ASIC2: variants seen among roughly 807,000 people sequenced by gnomAD.
The protein encoded by ASIC2 is acid-sensing ion channel 2.
A neutral mutation model predicts 57.3 loss-of-function variants in ASIC2; 25 were observed. That is an observed-to-expected ratio of 0.44 (90% CI 0.32 to 0.61). The LOEUF (loss-of-function observed/expected upper bound fraction) is 0.61. Among genes scored for constraint, ASIC2 ranks in the 20% least tolerant of loss-of-function variants. The probability of loss-of-function intolerance (pLI) is 0.06; values close to 1 mark genes in which losing one functional copy is unlikely to be tolerated. For missense variants in ASIC2, 641 were observed against 738.1 expected (o/e 0.87, Z 1.52); for synonymous variants, 319 against 307.5 (o/e 1.04, Z -0.39).
intron 1 of ASIC2, among the ~76,000 whole-genome samples, chr17:33,967,473 A>C (rs963349459): frequency 6.6e-6 from 1 of 152,076 alleles, no homozygotes; most frequent in African/African-American, 2.4e-5. Flanking sequence ...AAACTCAAGC[A>C]ATCCACCCCC....
At chr17:33,257,595 C>T (rs1909126668) in intron 1 of ASIC2, among the ~76,000 whole-genome samples, 1 of 152,206 alleles carries the variant, frequency 6.6e-6, no homozygotes, top group African/African-American at 2.4e-5. Flanking sequence ...CCTTATGTGG[C>T]CTTCCACAGG....
At chr17:33,211,412 T>C (rs977092869) in intron 1 of ASIC2, among the ~76,000 whole-genome samples, 10 of 151,788 alleles carry the variant, frequency 6.6e-5, no homozygotes, top group African/African-American at 2.4e-4. Flanking sequence ...AGCTGGTCGT[T>C]AAACATTAAC....
intron 1 of ASIC2, among the ~76,000 whole-genome samples, chr17:33,134,672 C>T (rs2142010672): frequency 6.6e-6 from 1 of 152,372 alleles, no homozygotes; most frequent in South Asian, 2.1e-4. Flanking sequence ...AAACGCAGCA[C>T]TGGTTGTCCT....
intron 1 of ASIC2, among the ~76,000 whole-genome samples, chr17:33,610,459 G>A (rs890401907): frequency 2.6e-5 from 4 of 152,060 alleles, no homozygotes; most frequent in African/African-American, 2.4e-5. Context: ...ACCCCCCACC[G>A]CCCATTGCCC....
chr17:33,189,683 T>C (rs1906337614), intron 1 of ASIC2, among the ~76,000 whole-genome samples: 1 of 152,156 alleles, frequency 6.6e-6, no homozygotes, highest in African/African-American at 2.4e-5. Flanking sequence ...AAAGAATATG[T>C]GTATTACAGG....
chr17:34,064,677 A>C (rs1294218364), intron 1 of ASIC2, among the ~76,000 whole-genome samples: 2 of 152,118 alleles, frequency 1.3e-5, no homozygotes, highest in Non-Finnish European at 2.9e-5. Context: ...CAAACAAATC[A>C]ATAAGAAAAA....
At chr17:33,534,502 T>C (rs1325734779) in intron 1 of ASIC2, 1 of 152,220 alleles carries the variant, frequency 6.6e-6, no homozygotes, top group East Asian at 1.9e-4. Context: ...TCTTACAATG[T>C]CCTATGCAGC....
At chr17:33,156,758 A>G (rs1264112131) in intron 1 of ASIC2, among the ~76,000 whole-genome samples, 4 of 152,170 alleles carry the variant, frequency 2.6e-5, no homozygotes, top group Non-Finnish European at 1.5e-5. Context: ...TCCATTTCAA[A>G]AAAAACAAAA....
At chr17:33,586,019 G>T (rs1286931159) in intron 1 of ASIC2, among the ~76,000 whole-genome samples, 5 of 152,112 alleles carry the variant, frequency 3.3e-5, no homozygotes, top group Non-Finnish European at 2.9e-5. Context: ...GCAATACCTT[G>T]TCTCAGTTGG....
intron 1 of ASIC2, among the ~76,000 whole-genome samples, chr17:34,130,557 G>A (rs763214620): frequency 2.6e-5 from 4 of 152,214 alleles, no homozygotes; most frequent in East Asian, 1.9e-4. Context: ...CCTGTTGAAA[G>A]ACAAAGGTGT....
intron 1 of ASIC2, among the ~76,000 whole-genome samples, chr17:33,715,666 G>A (rs570515030): frequency 5.8e-4 from 89 of 152,272 alleles, no homozygotes; most frequent in Non-Finnish European, 1.0e-3. Flanking sequence ...AAGGCTGTCC[G>A]AATCTCAGTC....
chr17:33,177,593 C>T (rs1056205066), intron 1 of ASIC2, among the ~76,000 whole-genome samples: 1 of 152,098 alleles, frequency 6.6e-6, no homozygotes, highest in Non-Finnish European at 1.5e-5. Context: ...GCTTCTGGCT[C>T]GCTAGGATGC....
At chr17:34,135,354 A>G (rs1361251271) in intron 1 of ASIC2, among the ~76,000 whole-genome samples, 1 of 152,252 alleles carries the variant, frequency 6.6e-6, no homozygotes, top group Non-Finnish European at 1.5e-5. Context: ...GACCAAGTCT[A>G]GGGCTAGCAT....
At chr17:33,315,978 C>A (rs1230502781) in intron 1 of ASIC2, among the ~76,000 whole-genome samples, 3 of 152,148 alleles carry the variant, frequency 2.0e-5, no homozygotes, top group Non-Finnish European at 1.5e-5. Flanking sequence ...GATAATAGTG[C>A]CCTCCCCCTT....
At chr17:33,390,244 C>T (rs1194462520) in intron 1 of ASIC2, among the ~76,000 whole-genome samples, 8 of 151,992 alleles carry the variant, frequency 5.3e-5, no homozygotes, top group South Asian at 2.1e-4. Context: ...ACCCAGGAGC[C>T]GGAGGTTGCA....
intron 1 of ASIC2, among the ~76,000 whole-genome samples, chr17:33,934,957 A>G (rs906321711): frequency 1.3e-5 from 2 of 152,060 alleles, no homozygotes; most frequent in African/African-American, 2.4e-5. Context: ...AGGTCCTCAT[A>G]CATACTGACA....
intron 1 of ASIC2, among the ~76,000 whole-genome samples, chr17:33,749,645 C>T (rs1420860029): frequency 6.6e-6 from 1 of 152,060 alleles, no homozygotes; most frequent in Admixed American, 6.5e-5. Context: ...CTTGTCATGC[C>T]CACCAGACTG....
chr17:33,280,200 G>A (rs539207818), intron 1 of ASIC2, among the ~76,000 whole-genome samples: 17 of 152,176 alleles, frequency 1.1e-4, no homozygotes, highest in African/African-American at 3.6e-4. Flanking sequence ...ATGAAAGCCC[G>A]AAACACTCAT....
At chr17:33,155,719 C>G (rs1904980176) in intron 1 of ASIC2, among the ~76,000 whole-genome samples, 1 of 151,832 alleles carries the variant, frequency 6.6e-6, no homozygotes, top group Non-Finnish European at 1.5e-5. Flanking sequence ...GCTACCACAC[C>G]CAGCTAATTT....
Sources: allele counts gnomAD v4.1 joint callset (sites outside exome capture counted in the v4.1 genomes callset), GRCh38; gene constraint gnomAD v4.1.1; transcripts MANE v1.5; gene names NCBI Gene and HGNC (gene_info 2026-07-23, HGNC 2026-07-21).